Variants in UPF1 observed in about 807,000 individuals in gnomAD.
UPF1 encodes the protein regulator of nonsense transcripts 1.
Under a neutral mutation model 129.2 loss-of-function variants are expected in UPF1, and 9 were observed. That is an observed-to-expected ratio of 0.07 (90% CI 0.04 to 0.12). The LOEUF is 0.12. Among genes scored for constraint, UPF1 ranks in the 10% least tolerant of loss-of-function variants. The pLI, the probability that UPF1 is intolerant of heterozygous loss-of-function variation, is 1.00. For synonymous variants in UPF1, 649 were observed against 644.9 expected, an observed-to-expected ratio of 1.01 and a Z score of -0.10; for missense variants, 788 against 1,525.3, an observed-to-expected ratio of 0.52 and a Z score of 8.05.
At chr19:18,841,795 G>A (rs536993465) in intron 1 of UPF1, among the ~76,000 whole-genome samples, 34 of 152,268 alleles carry the variant, frequency 2.2e-4, no homozygotes, top group African/African-American at 6.5e-4. Flanking sequence ...CACTCGGCCC[G>A]TTGAAATGAA....
chr19:18,839,811 C>T (rs780165938), intron 1 of UPF1, among the ~76,000 whole-genome samples: 2 of 152,194 alleles, frequency 1.3e-5, no homozygotes, highest in Non-Finnish European at 2.9e-5. Context: ...TTGACCCCCG[C>T]GGTTGCACTG....
chr19:18,867,049 G>A lies in UPF1; in HGVS notation c.*532G>A, dbSNP rs1004314057. On this transcript the variant is annotated 3_prime_UTR_variant, in exon 24 of 24. Transcript: ENST00000262803. ...GAGGGCCTTCATTTAAAGAAAATAAGGGTGTTTTGGGTTTTTCTCTTTGTT... is the reference window on the plus strand; with the variant it reads ...GAGGGCCTTCATTTAAAGAAAATAAAGGTGTTTTGGGTTTTTCTCTTTGTT... 1 of 152,630 alleles carries A rather than the reference G, an allele frequency of 6.6e-6. No individual in the cohort carries two copies. Among genetic ancestry groups the A allele is most frequent in the Non-Finnish European group, 1.5e-5 (1 of 68,050 alleles). The allele number at this position is 152,630 out of a possible 1,614,324, so 9.5% of individuals were successfully genotyped here.
chr19:18,853,383 G>A lies in UPF1; in HGVS notation c.1156+33G>A, dbSNP rs746780636. The A allele has an allele frequency of 1.9e-6, 3 of 1,560,676 alleles. No individual in the cohort carries two copies. The South Asian group carries it at 3.6e-5, about 19-fold the overall frequency. On this transcript the variant is annotated intron_variant, in intron 8 of 23. Transcript: ENST00000262803. This position sits in a 1 kb window ranked among gnomAD's most constrained non-coding sequence, Gnocchi z 4.4. ...TCATGTGAAGAGGGTGTGGCCGGCT[G>A]GTGGGAGAGGAAAGTGGGGGCATCA...
At chr19:18,860,780 G>A (rs1307000318) in intron 16 of UPF1, 46 bp from the exon 17 acceptor site, 4 of 1,605,276 alleles carry the variant, frequency 2.5e-6, no homozygotes, top group East Asian at 4.5e-5. Context: ...CTCAGGGCTC[G>A]GGATCCCACA....
In UPF1 at chr19:18,843,766, G is replaced by A. The variant is rs564108001; in HGVS notation, c.232-2214G>A. Reference sequence around the variant, plus strand: ...GTGTGTGTGTGTTGTTGTTAAGAGAGACAGGGTCTTGGTCTGTTGCTCAGG... The same window carrying A: ...GTGTGTGTGTGTTGTTGTTAAGAGAAACAGGGTCTTGGTCTGTTGCTCAGG... On this transcript the variant is annotated intron_variant, in intron 1 of 23. Coordinates refer to ENST00000262803, the MANE Select transcript of UPF1 (RefSeq NM_002911.4). 3.3e-4 allele frequency among the ~76,000 whole-genome samples: 50 copies of A among 151,546 alleles called. No individual in the cohort carries two copies. In the South Asian group the frequency reaches 5.9e-3, roughly 18 times the overall value.
chr19:18,863,270 C>A (rs1601129645), intron 18 of UPF1, 168 bp from the exon 19 acceptor site: 1 of 827,574 alleles, frequency 1.2e-6, no homozygotes. Context: ...AGTGGCTTGG[C>A]ATTGGGCTTT....
At position 18,853,325 on chromosome 19, in the gene UPF1, C is replaced by A. The variant is rs143785290; in HGVS notation, c.1131C>A (p.Ile377=). Residue 377 remains isoleucine, a synonymous_variant, in exon 8 of 24, where the codon ATC becomes ATA. Transcript: ENST00000262803. The surrounding 1 kb of genome is among the most constrained non-coding windows in gnomAD (Gnocchi z 4.4). ...KGDLAPLWKG[I]GHVIKVPDNY... ...ACCTTGCGCCCCTGTGGAAAGGGAT[C>A]GGCCACGTCATCAAGGTCCCTGATA... The A allele has an allele frequency of 6.2e-7, 1 of 1,612,224 alleles. No individual in the cohort carries two copies. Among genetic ancestry groups the A allele is most frequent in the Non-Finnish European group, 8.5e-7 (1 of 1,178,912 alleles).
chr19:18,846,163 G>T (rs776338822), intron 2 of UPF1, 44 bp downstream of exon 2: 2 of 1,609,244 alleles, frequency 1.2e-6, no homozygotes, highest in Admixed American at 3.3e-5. Flanking sequence ...TGGACAGGTG[G>T]GTGCCTCTGG....
chr19:18,866,062 G>A lies in UPF1; in HGVS notation c.3256G>A (p.Glu1086Lys), dbSNP rs754812367. The stretch of plus-strand genomic sequence containing the variant: ...CTTTCAGGACAGTTACCTTGGTGAC[G>A]AGTTTAAATCACAAATCGACGTGGC... The part of the protein sequence containing the change: ...ELSQDSYLGD[E>K]FKSQIDVALS... The change falls in exon 23 of 24, where the codon GAG (glutamate) becomes AAG (lysine). Residue 1086 changes from glutamate to lysine, a missense_variant. Glu to Lys is a moderately conservative substitution (Grantham distance 56). Coordinates refer to ENST00000262803, the MANE Select transcript of UPF1 (RefSeq NM_002911.4). The A allele has an allele frequency of 1.2e-6, 2 of 1,613,620 alleles. No individual in the cohort carries two copies. The highest frequency in any genetic ancestry group is 1.7e-6 in the Non-Finnish European group (2 of 1,179,964).
At chr19:18,849,988 A>ACCGG in intron 3 of UPF1, 87 bp from the exon 4 acceptor site, 1 of 1,534,642 alleles carries the variant, frequency 6.5e-7, no homozygotes, top group Non-Finnish European at 8.9e-7. Flanking sequence ...CGTGAACGGT[A>ACCGG]CCGGAACTTT....
At chr19:18,859,737 A>G (rs2145964832) in intron 15 of UPF1, 1 of 152,530 alleles carries the variant, frequency 6.6e-6, no homozygotes, top group East Asian at 1.9e-4. Flanking sequence ...GTTTTAAGGA[A>G]ACGCAACAGG....
In UPF1 at chr19:18,845,886, C is replaced by T. The variant is rs572899955; in HGVS notation, c.232-94C>T. On this transcript the variant is annotated intron_variant, in intron 1 of 23. Coordinates refer to ENST00000262803, the MANE Select transcript of UPF1 (RefSeq NM_002911.4). ...AAACTGTCTCAAAGCAGAGATGAGG[C>T]CAGGGTGTCACACCAGAGTCATCGA... 5 of 1,495,240 alleles carry T rather than the reference C, an allele frequency of 3.3e-6. No homozygotes were observed. In the East Asian group the frequency reaches 1.2e-4, roughly 35 times the overall value. The allele number at this position is 1,495,240 out of a possible 1,614,324, so 92.6% of individuals were successfully genotyped here. A position where few individuals can be genotyped will look rare whatever the true frequency, so the allele number is the denominator to read the frequency against.
chr19:18,855,829 C>T (rs977336596), intron 11 of UPF1, 96 bp from the exon 12 acceptor site: 1 of 1,489,120 alleles, frequency 6.7e-7, no homozygotes, highest in Non-Finnish European at 8.9e-7. Flanking sequence ...GCCTGGGCAA[C>T]AGAGCAAGAC....
chr19:18,834,078 G>A (rs1291127317), intron 1 of UPF1, among the ~76,000 whole-genome samples: 1 of 152,164 alleles, frequency 6.6e-6, no homozygotes, highest in Non-Finnish European at 1.5e-5. Flanking sequence ...CCACCTCCTT[G>A]TAGTTTTCAT....
In UPF1 at chr19:18,857,002, G is replaced by A. The variant is rs1169664761; in HGVS notation, c.1950G>A (p.Val650=). Residue 650 remains valine (V), a synonymous_variant, in exon 14 of 24, where the codon GTG becomes GTA. Transcript: ENST00000262803. The part of the protein sequence containing the change: ...QATEPECMVP[V]VLGAKQLILV... ...CCGAGCCGGAGTGCATGGTTCCCGT[G>A]GTCCTCGGGGCCAAGCAGGTGGGCT... 3.7e-6 allele frequency: 6 copies of A among 1,612,190 alleles called. No individual in the cohort carries two copies. Among genetic ancestry groups the A allele is most frequent in the South Asian group, 1.1e-5 (1 of 90,962 alleles).
At chr19:18,839,002 C>G (rs1290508346) in intron 1 of UPF1, among the ~76,000 whole-genome samples, 1 of 152,132 alleles carries the variant, frequency 6.6e-6, no homozygotes, top group Non-Finnish European at 1.5e-5. Flanking sequence ...TCCCTCTCAG[C>G]CTAGCTACCA....
Position 18,865,219 on chromosome 19 carries a change from G to A in UPF1, c.2858-70G>A. ...TGCAGCTCCGGCTGACTGGCTGGTG[G>A]GGTGGGTGGGGTATCGCTGGGGTTT... On this transcript the variant is annotated intron_variant, in intron 20 of 23. Coordinates refer to ENST00000262803, the MANE Select transcript of UPF1 (RefSeq NM_002911.4). The surrounding 1 kb of genome is among the most constrained non-coding windows in gnomAD (Gnocchi z 6.1). The A allele has an allele frequency of 6.7e-7, 1 of 1,499,706 alleles. No homozygotes were observed. Among genetic ancestry groups the A allele is most frequent in the Non-Finnish European group, 9.0e-7 (1 of 1,111,568 alleles). The allele number at this position is 1,499,706 out of a possible 1,614,324, so 92.9% of individuals were successfully genotyped here.
chr19:18,857,281 C>G (rs1400607846), intron 14 of UPF1, 39 bp from the exon 15 acceptor site: 2 of 1,587,416 alleles, frequency 1.3e-6, no homozygotes, highest in East Asian at 4.5e-5. Context: ...CTGATTCACA[C>G]CTGAGCTTCT....
rs1184200754 is a variant in UPF1 at position 18,851,245 on chromosome 19, G to T, written c.810+377G>T. 5.9e-6 allele frequency: 1 copy of T among 169,218 alleles called. No homozygotes were observed. The highest frequency in any genetic ancestry group is 2.4e-5 in the African/African-American group (1 of 42,018). 10.5% of individuals were successfully genotyped at this position (169,218 alleles called of 1,614,324 possible). A position where few individuals can be genotyped will look rare whatever the true frequency, so the allele number is the denominator to read the frequency against. On this transcript the variant is annotated intron_variant, in intron 5 of 23. Coordinates refer to ENST00000262803, the MANE Select transcript of UPF1 (RefSeq NM_002911.4). The surrounding 1 kb of genome is among the most constrained non-coding windows in gnomAD (Gnocchi z 4.2). ...GAGAATGTCCTGGGGAAATAGGTTG[G>T]TGTCGAGGTCGGCACAGTCAGCTGA...
Sources: gnomAD v4.1 joint callset for allele counts (sites outside exome capture counted in the v4.1 genomes callset) on GRCh38, gnomAD v4.1.1 for gene constraint, Gnocchi (gnomAD v3.1) non-coding constraint, MANE v1.5 for transcripts, NCBI Gene and HGNC (gene_info 2026-07-23, HGNC 2026-07-21) for gene names.